Variants in ADAM28 observed in about 807,000 individuals in gnomAD.
ADAM28 encodes the protein disintegrin and metalloproteinase domain-containing protein 28.
In ADAM28, 105 loss-of-function variants were observed where a neutral mutation model predicts 101.2. That is an observed-to-expected ratio of 1.04 (90% CI 0.89 to 1.22). The LOEUF (loss-of-function observed/expected upper bound fraction) is 1.22, where lower values mean the gene tolerates loss of function less well. Among genes scored for constraint, ADAM28 ranks in the 50% most tolerant of loss-of-function variants. The pLI is 0.00. For missense variants in ADAM28, 1,028 were observed against 945.4 expected (o/e 1.09, Z -1.15); for synonymous variants, 322 against 310.6 (o/e 1.04, Z -0.39).
At chr8:24,304,755 A>G (rs941199788) in intron 2 of ADAM28, among the ~76,000 whole-genome samples, 2 of 151,808 alleles carry the variant, frequency 1.3e-5, no homozygotes, top group African/African-American at 4.8e-5. Flanking sequence ...AATCCCAACT[A>G]CTAAGGAGGC....
intron 9 of ADAM28, among the ~76,000 whole-genome samples, chr8:24,325,888 A>AACAAACAAACAAAC (rs1563296977): frequency 7.3e-6 from 1 of 136,128 alleles, no homozygotes; most frequent in Non-Finnish European, 1.6e-5. Context: ...AAAAAAAAAA[A>AACAAACAAACAAAC]AAAAAAAAAA....
chr8:24,328,029 A>G (rs1812858156), intron 10 of ADAM28, among the ~76,000 whole-genome samples: 1 of 152,114 alleles, frequency 6.6e-6, no homozygotes, highest in Admixed American at 6.6e-5. Context: ...GTAAGTAACA[A>G]TCCTGCACTT....
intron 14 of ADAM28, among the ~76,000 whole-genome samples, chr8:24,336,552 C>T (rs2129318716): frequency 6.9e-6 from 1 of 144,112 alleles, no homozygotes; most frequent in South Asian, 2.2e-4. Context: ...TGCACTCCAG[C>T]CTGGGTGACA....
intron 13 of ADAM28, among the ~76,000 whole-genome samples, chr8:24,334,719 G>T (rs758473738): frequency 2.6e-5 from 4 of 152,040 alleles, no homozygotes; most frequent in Non-Finnish European, 4.4e-5. Context: ...GTTATTTGAC[G>T]CATTGAAAAC....
At chr8:24,312,425 A>G (rs1381086775) in intron 5 of ADAM28, among the ~76,000 whole-genome samples, 2 of 152,006 alleles carry the variant, frequency 1.3e-5, no homozygotes, top group Non-Finnish European at 2.9e-5. Flanking sequence ...TATTGATTCT[A>G]TCTTCTAAAC....
At chr8:24,332,561 A>G (rs370905106) in intron 12 of ADAM28, 99 bp from the exon 13 acceptor site, 3 of 579,010 alleles carry the variant, frequency 5.2e-6, no homozygotes, top group South Asian at 6.0e-5. Flanking sequence ...AGACTCCACG[A>G]AAGTAACATA....
At chr8:24,319,033 T>C (rs1434320079) in intron 6 of ADAM28, among the ~76,000 whole-genome samples, 3 of 151,998 alleles carry the variant, frequency 2.0e-5, no homozygotes, top group South Asian at 2.1e-4. Context: ...TGTGGTCCCA[T>C]AGACCTCTCT....
Position 24,335,715 on chromosome 8 carries a change from C to A in ADAM28, c.1567+74C>A. On this transcript the variant is annotated intron_variant, in intron 14 of 22. Transcript: ENST00000265769. Reference sequence around the variant, plus strand: ...TCAGATGACAGTGTTTAACCATGGTCAAAGGACCATTCTGTCCTATCCTTC... The same window carrying A: ...TCAGATGACAGTGTTTAACCATGGTAAAAGGACCATTCTGTCCTATCCTTC... The A allele has an allele frequency of 5.5e-6, 8 of 1,449,528 alleles. No homozygotes were observed. The South Asian group carries it at 1.1e-4, about 20-fold the overall frequency. The allele number at this position is 1,449,528 out of a possible 1,614,324, so 89.8% of individuals were successfully genotyped here.
At chr8:24,351,495 GGT>G in intron 20 of ADAM28, 185 bp downstream of exon 20, 1 of 678,154 alleles carries the variant, frequency 1.5e-6, no homozygotes, top group Non-Finnish European at 2.7e-6. Flanking sequence ...ACTTTGCCGG[GGT>G]TCATGAAATG....
rs1376165276 is a variant in ADAM28 at position 24,355,246 on chromosome 8, C to T, written c.*842C>T. ...TAAAAGTAATCCGATGCTTTGTCAA[C>T]AACAGACTTACATTGCCCATAGCAA... On this transcript the variant is annotated 3_prime_UTR_variant, in exon 23 of 23. Coordinates refer to ENST00000265769, the MANE Select transcript of ADAM28 (RefSeq NM_014265.6). The T allele has an allele frequency of 6.6e-6, 1 of 152,250 alleles. No individual in the cohort carries two copies. The highest frequency in any genetic ancestry group is 2.4e-5 in the African/African-American group (1 of 41,440). The allele number at this position is 152,250 out of a possible 1,614,324, so 9.4% of individuals were successfully genotyped here. A position where few individuals can be genotyped will look rare whatever the true frequency, so the allele number is the denominator to read the frequency against.
At chr8:24,334,275 C>T (rs1258918497) in intron 13 of ADAM28, among the ~76,000 whole-genome samples, 1 of 152,052 alleles carries the variant, frequency 6.6e-6, no homozygotes. Context: ...TTCACAATGG[C>T]CTTGTAAAGT....
chr8:24,315,805 T>C (rs1260088579), intron 6 of ADAM28, among the ~76,000 whole-genome samples: 4 of 152,004 alleles, frequency 2.6e-5, no homozygotes, highest in Admixed American at 6.6e-5. Context: ...CAAAAGATTA[T>C]ACATCATAAT....
intron 6 of ADAM28, among the ~76,000 whole-genome samples, chr8:24,317,938 A>C (rs1250081666): frequency 6.6e-6 from 1 of 152,062 alleles, no homozygotes; most frequent in East Asian, 1.9e-4. Flanking sequence ...AGACAAATTT[A>C]ACAGAGTTTA....
At chr8:24,310,109 T>C (rs1810249136) in intron 3 of ADAM28, 54 bp from the exon 4 acceptor site, 5 of 1,586,776 alleles carry the variant, frequency 3.2e-6, no homozygotes, top group African/African-American at 2.7e-5. Flanking sequence ...AGAATTTCCA[T>C]GGACTTAGCA....
rs79454861 is a variant in ADAM28, at chr8:24,349,911, G to A, written c.2038G>A (p.Val680Met). The change falls in exon 19 of 23, where the codon GTG becomes ATG. Residue 680 changes from valine to methionine, a missense_variant. Val to Met is a conservative substitution (Grantham distance 21). Transcript: ENST00000265769. ...GVLFPMAVIF[V>M]VVAMVIRHQS... is the part of the protein sequence containing the mutation. ...GCTGTTCCCAATGGCGGTCATTTTT[G>A]TGGTGGTTGCTATGGTAATCCGGCA... The A allele has an allele frequency of 1.2e-6, 2 of 1,613,728 alleles. No homozygotes were observed. Among genetic ancestry groups the A allele is most frequent in the Non-Finnish European group, 1.7e-6 (2 of 1,179,800 alleles).
chr8:24,350,392 A>C (rs1171675325), intron 19 of ADAM28, among the ~76,000 whole-genome samples: 2 of 151,864 alleles, frequency 1.3e-5, no homozygotes, highest in Non-Finnish European at 2.9e-5. Context: ...GCTCACTGCA[A>C]CCTCCACACC....
Position 24,297,132 on chromosome 8 carries a change from C to T in ADAM28, c.47-2842C>T, listed in dbSNP as rs529625605. On this transcript the variant is annotated intron_variant, in intron 1 of 22. Transcript: ENST00000265769. Reference sequence around the variant, plus strand: ...CAAACTGAAGAGATTGAGAGGTTGCCAATGATTTCTAAAAGAAATGTTGTG... The same window carrying T: ...CAAACTGAAGAGATTGAGAGGTTGCTAATGATTTCTAAAAGAAATGTTGTG... Among the ~76,000 whole-genome samples, 9 of 150,456 alleles carry T rather than the reference C, an allele frequency of 6.0e-5. No individual in the cohort carries two copies. In the South Asian group the frequency reaches 1.9e-3, roughly 32 times the overall value.
At position 24,358,695 on chromosome 8, in the gene ADAM28, A is replaced by G. The variant is rs1005574344; in HGVS notation, c.*4291A>G. ...TGGTCTGCTACAATGCCCAACACTT[A>G]ATACAGTATCACTATTACTGTTAGT... is the stretch of plus-strand genomic sequence containing the variant. On this transcript the variant is annotated 3_prime_UTR_variant, in exon 23 of 23. Coordinates refer to ENST00000265769, the MANE Select transcript of ADAM28 (RefSeq NM_014265.6). The G allele has an allele frequency of 1.3e-5, 2 of 152,236 alleles. No individual in the cohort carries two copies. The highest frequency in any genetic ancestry group is 4.8e-5 in the African/African-American group (2 of 41,470). The allele number at this position is 152,236 out of a possible 1,614,324, so 9.4% of individuals were successfully genotyped here. A position where few individuals can be genotyped will look rare whatever the true frequency, so the allele number is the denominator to read the frequency against.
chr8:24,354,628 T>C lies in ADAM28; in HGVS notation c.*224T>C. On this transcript the variant is annotated 3_prime_UTR_variant, in exon 23 of 23. Coordinates refer to ENST00000265769, the MANE Select transcript of ADAM28 (RefSeq NM_014265.6). The stretch of plus-strand genomic sequence containing the variant: ...AATTTAAAATTTCAATTATCCATTC[T>C]TATAAGAAGGAAGATGATTGTAAAG... 1 of 413,706 alleles carries C rather than the reference T, an allele frequency of 2.4e-6. No individual in the cohort carries two copies. Among genetic ancestry groups the C allele is most frequent in the South Asian group, 5.6e-5 (1 of 18,008 alleles). 25.6% of individuals were successfully genotyped at this position (413,706 alleles called of 1,614,324 possible). A position where few individuals can be genotyped will look rare whatever the true frequency, so the allele number is the denominator to read the frequency against.
Sources: allele counts gnomAD v4.1 joint callset (sites outside exome capture counted in the v4.1 genomes callset), GRCh38; gene constraint gnomAD v4.1.1; transcripts MANE v1.5; gene names NCBI Gene and HGNC (gene_info 2026-07-23, HGNC 2026-07-21).